The following DIAPH2 variants were observed in gnomAD, a reference collection of about 807,000 sequenced individuals.
DIAPH2 encodes protein diaphanous homolog 2.
Under a neutral mutation model 92.7 loss-of-function variants are expected in DIAPH2, and 35 were observed. The observed-to-expected ratio is 0.38, with a 90% CI of 0.29 to 0.50. The LOEUF is 0.50. Ranked by LOEUF, DIAPH2 falls within the 20% of genes least tolerant of loss-of-function variation. DIAPH2 has a pLI of 0.94. For synonymous variants in DIAPH2, 301 were observed against 280.4 expected (o/e 1.07, Z -0.73); for missense variants, 701 against 819.5 (o/e 0.86, Z 1.77).
intron 21 of DIAPH2, among the ~76,000 whole-genome samples, chrX:97,134,766 C>T (rs1007752351): frequency 5.4e-5 from 6 of 111,504 alleles, no homozygotes; most frequent in Non-Finnish European, 1.1e-4. Flanking sequence ...TGAACTTATT[C>T]GGGACAATAA....
intron 17 of DIAPH2, among the ~76,000 whole-genome samples, chrX:96,998,121 C>G (rs771861634): frequency 8.9e-6 from 1 of 111,986 alleles, no homozygotes; most frequent in African/African-American, 3.2e-5. Flanking sequence ...TCCTTAGCTT[C>G]TATATCCTGT....
chrX:96,766,895 A>G (rs1416405986), intron 4 of DIAPH2, among the ~76,000 whole-genome samples: 1 of 112,200 alleles, frequency 8.9e-6, no homozygotes, highest in Non-Finnish European at 1.9e-5. Flanking sequence ...TTTAAAAGTC[A>G]AGCCAGGAAA....
intron 4 of DIAPH2, among the ~76,000 whole-genome samples, chrX:96,810,635 G>A (rs767329087): frequency 2.4e-4 from 27 of 111,211 alleles, no homozygotes; most frequent in African/African-American, 8.2e-4. Context: ...TTTCTTCTAG[G>A]GTTTTTATGG....
chrX:96,837,429 C>CTG (rs766755190), intron 4 of DIAPH2, among the ~76,000 whole-genome samples: 7 of 39,096 alleles, frequency 1.8e-4, no homozygotes, highest in Admixed American at 3.7e-4. Context: ...CTCTCTCTCT[C>CTG]TCTCTGTGTG....
chrX:96,879,473 C>A (rs2065199507), intron 4 of DIAPH2, among the ~76,000 whole-genome samples: 1 of 111,684 alleles, frequency 9.0e-6, no homozygotes, highest in African/African-American at 3.3e-5. Flanking sequence ...ATTCGTTTTA[C>A]TAGTAGTTTT....
At position 97,372,977 on chromosome X, in the gene DIAPH2, C is replaced by CA. The variant is rs1014296213; in HGVS notation, c.3010-10920dup. On this transcript the variant is annotated intron_variant, in intron 24 of 26. Transcript: ENST00000324765. ...GGGCAACAAGAGCGAAACTCCGTCT[C>CA]AAAAAAAAAAAAGAAAGAAAAGCCG... 5.2e-3 allele frequency among the ~76,000 whole-genome samples: 479 copies of CA among 92,513 alleles called. 2 individuals are homozygous for CA. Among genetic ancestry groups the CA allele is most frequent in the African/African-American group, 0.015 (384 of 25,310 alleles). The allele number at this position is 92,513 out of a possible 115,157, so 80.3% of individuals were successfully genotyped here.
At position 96,695,498 on chromosome X, in the gene DIAPH2, G is replaced by A. The variant is rs2063820728; in HGVS notation, c.132+10308G>A. Among the ~76,000 whole-genome samples the A allele has an allele frequency of 2.7e-5, 3 of 111,745 alleles. No individual in the cohort carries two copies. The Admixed American group carries it at 2.9e-4, about 11-fold the overall frequency. On this transcript the variant is annotated intron_variant, in intron 1 of 26. Transcript: ENST00000324765. ...AATCCTACATTTTAATATAAGCTGAGTTGGTCTGGGACAAAATACTAGATT... is the reference window on the plus strand; with the variant it reads ...AATCCTACATTTTAATATAAGCTGAATTGGTCTGGGACAAAATACTAGATT...
At chrX:97,250,582 G>T (rs1297367988) in intron 23 of DIAPH2, among the ~76,000 whole-genome samples, 3 of 112,118 alleles carry the variant, frequency 2.7e-5, no homozygotes, top group African/African-American at 9.7e-5. Context: ...GCTGCTGACA[G>T]TCTGACATTT....
chrX:97,463,174 C>T (rs780248950), intron 26 of DIAPH2, among the ~76,000 whole-genome samples: 212 of 109,456 alleles, frequency 1.9e-3, no homozygotes, highest in African/African-American at 6.8e-3. Context: ...GTGCTTGAAA[C>T]GAGACTTCAC....
In DIAPH2 at chrX:97,050,728, A is replaced by AT. The variant is rs773946144; in HGVS notation, c.2051-22205dup. Among the ~76,000 whole-genome samples, 10 of 110,371 alleles carry AT rather than the reference A, an allele frequency of 9.1e-5. No individual in the cohort carries two copies. The East Asian group carries it at 1.4e-3, about 16-fold the overall frequency. On this transcript the variant is annotated intron_variant, in intron 17 of 26. Coordinates refer to ENST00000324765, the MANE Select transcript of DIAPH2 (RefSeq NM_006729.5). ...ATTTAATATGTCCATCTGATTTATG[A>AT]TTTTTTTTGTAGTCCTTTTTCCTTT...
intron 23 of DIAPH2, among the ~76,000 whole-genome samples, chrX:97,330,101 G>GTGTA (rs1180744401): frequency 1.9e-5 from 2 of 107,889 alleles, no homozygotes; most frequent in Admixed American, 2.0e-4. Flanking sequence ...GTGTGTGTGT[G>GTGTA]TGTGTGTGTG....
chrX:97,151,133 T>C (rs2067282572), intron 22 of DIAPH2, among the ~76,000 whole-genome samples: 1 of 111,594 alleles, frequency 9.0e-6, no homozygotes, highest in Admixed American at 9.5e-5. Context: ...TGGAATGGAA[T>C]ATGTAGGGGC....
intron 24 of DIAPH2, 48 bp downstream of exon 24, chrX:97,348,328 T>G (rs777001887): frequency 2.2e-5 from 23 of 1,046,980 alleles, no homozygotes; most frequent in Non-Finnish European, 3.0e-5. Context: ...CTTATATTTC[T>G]GAATGTTTTC....
intron 25 of DIAPH2, among the ~76,000 whole-genome samples, chrX:97,408,994 C>T (rs1281263567): frequency 8.9e-6 from 1 of 111,875 alleles, no homozygotes; most frequent in Non-Finnish European, 1.9e-5. Flanking sequence ...TGTTATTAAA[C>T]TTATAGTTTA....
intron 23 of DIAPH2, 41 bp downstream of exon 23, chrX:97,247,880 C>T (rs1355439752): frequency 8.7e-7 from 1 of 1,144,583 alleles, no homozygotes. Context: ...AGTTTTTAGT[C>T]TCTATGTCTG....
chrX:96,744,758 A>G (rs1448216894), intron 3 of DIAPH2, among the ~76,000 whole-genome samples: 2 of 112,129 alleles, frequency 1.8e-5, no homozygotes, highest in Non-Finnish European at 3.8e-5. Context: ...AGACTTCCAG[A>G]TATGAAATTT....
At chrX:97,384,131 CA>C in intron 25 of DIAPH2, 87 bp downstream of exon 25, 1 of 846,260 alleles carries the variant, frequency 1.2e-6, no homozygotes, top group Non-Finnish European at 1.6e-6. Context: ...AGTAAATTTT[CA>C]TAGAAAATTC....
chrX:97,517,065 C>T (rs2070954352), intron 26 of DIAPH2, among the ~76,000 whole-genome samples: 1 of 111,896 alleles, frequency 8.9e-6, no homozygotes, highest in Non-Finnish European at 1.9e-5. Context: ...ATTAACCTGT[C>T]ACCTCACATA....
intron 23 of DIAPH2, among the ~76,000 whole-genome samples, chrX:97,304,825 A>T (rs955464898): frequency 4.5e-5 from 5 of 112,170 alleles, no homozygotes; most frequent in African/African-American, 1.6e-4. Context: ...TTTGCTACCA[A>T]CAGAGTTGGA....
Sources: allele counts gnomAD v4.1 joint callset (sites outside exome capture counted in the v4.1 genomes callset), GRCh38; gene constraint gnomAD v4.1.1; transcripts MANE v1.5; gene names NCBI Gene and HGNC (gene_info 2026-07-23, HGNC 2026-07-21).